Variants in SGCZ observed in about 807,000 individuals in gnomAD.
SGCZ encodes sarcoglycan zeta.
SGCZ carries 40 observed loss-of-function variants against 41.3 expected under a neutral mutation model. The ratio of observed to expected loss-of-function variants is 0.97; its 90% CI spans 0.75 to 1.26. SGCZ has a LOEUF of 1.26. Ranked by LOEUF, SGCZ falls within the 50% of genes most tolerant of loss-of-function variation. The pLI, the probability that SGCZ is intolerant of heterozygous loss-of-function variation, is 0.00. For missense variants in SGCZ, 552 were observed against 369.8 expected (o/e 1.49, Z -4.04); for synonymous variants, 206 against 137.5 (o/e 1.50, Z -3.49).
In SGCZ at chr8:14,130,291, G is replaced by GAAAA. The variant is rs140894776; in HGVS notation, c.548-22060_548-22057dup. Among the ~76,000 whole-genome samples, 19 of 144,634 alleles carry GAAAA rather than the reference G, an allele frequency of 1.3e-4. No individual in the cohort carries two copies. The East Asian group carries it at 3.2e-3, about 24-fold the overall frequency. 94.9% of individuals were successfully genotyped at this position (144,634 alleles called of 152,430 possible). ...TTGGTAGAAGCTAAACCTCTAAAAT[G>GAAAA]AAAAAAAAAACAAATGATTCAAAAT... On this transcript the variant is annotated intron_variant, in intron 5 of 7. Coordinates refer to ENST00000382080, the MANE Select transcript of SGCZ (RefSeq NM_139167.4).
chr8:14,407,793 G>A (rs149570608), intron 2 of SGCZ, among the ~76,000 whole-genome samples: 3 of 152,086 alleles, frequency 2.0e-5, no homozygotes, highest in Admixed American at 2.0e-4. Context: ...CCTAGGTCAA[G>A]CAGAGACTTT....
chr8:14,333,229 T>A (rs533352956), intron 2 of SGCZ, among the ~76,000 whole-genome samples: 1 of 152,034 alleles, frequency 6.6e-6, no homozygotes, highest in Non-Finnish European at 1.5e-5. Flanking sequence ...AGAGACTTGC[T>A]GTAAAAGAAT....
At chr8:14,984,227 T>C (rs1013630646) in intron 1 of SGCZ, among the ~76,000 whole-genome samples, 3 of 152,154 alleles carry the variant, frequency 2.0e-5, no homozygotes, top group African/African-American at 7.2e-5. Context: ...TTGAAGTAAA[T>C]TCCAGACAGC....
intron 1 of SGCZ, among the ~76,000 whole-genome samples, chr8:14,798,984 A>T (rs1801226414): frequency 6.6e-6 from 1 of 151,984 alleles, no homozygotes; most frequent in African/African-American, 2.4e-5. Context: ...TAAGATTACC[A>T]TAATACAGTA....
At chr8:15,152,716 G>C (rs1386834790) in intron 1 of SGCZ, among the ~76,000 whole-genome samples, 3 of 152,176 alleles carry the variant, frequency 2.0e-5, no homozygotes, top group African/African-American at 4.8e-5. Context: ...CATTGAAGTT[G>C]CTCCAGAGTA....
intron 2 of SGCZ, among the ~76,000 whole-genome samples, chr8:14,517,029 A>G (rs908268094): frequency 6.6e-6 from 1 of 152,002 alleles, no homozygotes; most frequent in African/African-American, 2.4e-5. Flanking sequence ...TGTAGTGCAC[A>G]GTGATTCTCC....
At chr8:14,612,615 T>C (rs1805965049) in intron 1 of SGCZ, among the ~76,000 whole-genome samples, 1 of 152,188 alleles carries the variant, frequency 6.6e-6, no homozygotes. Flanking sequence ...AATTCAGATA[T>C]TTTTATGAGG....
intron 4 of SGCZ, among the ~76,000 whole-genome samples, chr8:14,192,562 CAA>C (rs1481460307): frequency 2.6e-5 from 4 of 151,930 alleles, no homozygotes; most frequent in Admixed American, 2.0e-4. Flanking sequence ...AGTTTTTATT[CAA>C]GAGTTCTATC....
Position 14,563,842 on chromosome 8 carries a change from C to A in SGCZ, c.40-8916G>T, listed in dbSNP as rs74960134. On this transcript the variant is annotated intron_variant, in intron 1 of 7. Coordinates refer to ENST00000382080, the MANE Select transcript of SGCZ (RefSeq NM_139167.4). Reference sequence around the variant, plus strand: ...AGTAGTCAAAAGATAAAGTCAAAAACAGAATGCAATTGTATATTGAAAAAT... The same window carrying A: ...AGTAGTCAAAAGATAAAGTCAAAAAAAGAATGCAATTGTATATTGAAAAAT... 4.3e-4 allele frequency among the ~76,000 whole-genome samples: 65 copies of A among 152,172 alleles called. No individual in the cohort carries two copies. The East Asian group carries it at 0.012, about 28-fold the overall frequency.
intron 2 of SGCZ, among the ~76,000 whole-genome samples, chr8:14,375,116 A>C (rs1804066591): frequency 2.0e-5 from 2 of 100,178 alleles, no homozygotes; most frequent in South Asian, 2.7e-4. Flanking sequence ...ATAGATAGAC[A>C]GACAGACAGA....
At chr8:15,033,990 G>A (rs114920395) in intron 1 of SGCZ, among the ~76,000 whole-genome samples, 1 of 152,142 alleles carries the variant, frequency 6.6e-6, no homozygotes, top group Admixed American at 6.5e-5. Context: ...AATCTTTAAA[G>A]ACTAAAATAA....
intron 4 of SGCZ, among the ~76,000 whole-genome samples, chr8:14,204,812 AG>A (rs1334777649): frequency 6.6e-6 from 1 of 152,164 alleles, no homozygotes; most frequent in Non-Finnish European, 1.5e-5. Flanking sequence ...GACCTACACC[AG>A]TTCACGCTAT....
At chr8:14,922,125 A>C (rs979232019) in intron 1 of SGCZ, among the ~76,000 whole-genome samples, 1 of 152,022 alleles carries the variant, frequency 6.6e-6, no homozygotes, top group African/African-American at 2.4e-5. Context: ...AATATCCCTT[A>C]GTCAGCTTCA....
Position 15,224,234 on chromosome 8 carries a change from T to A in SGCZ, c.39+13351A>T, listed in dbSNP as rs192117014. 3.3e-5 allele frequency among the ~76,000 whole-genome samples: 5 copies of A among 152,308 alleles called. No individual in the cohort carries two copies. In the East Asian group the frequency reaches 9.6e-4, roughly 29 times the overall value. On this transcript the variant is annotated intron_variant, in intron 1 of 7. Transcript: ENST00000382080. ...AACAGAGTATATTTTTCTTCTTTCATAAAGATTCAGGAAAGTCATAAAATA... is the reference window on the plus strand; with the variant it reads ...AACAGAGTATATTTTTCTTCTTTCAAAAAGATTCAGGAAAGTCATAAAATA...
intron 1 of SGCZ, among the ~76,000 whole-genome samples, chr8:15,081,546 G>T (rs979934337): frequency 2.7e-5 from 4 of 149,084 alleles, no homozygotes; most frequent in African/African-American, 1.0e-4. Flanking sequence ...ATAAAGAGGT[G>T]AAAAAGAAGG....
At chr8:14,136,576 G>A (rs574274845) in intron 5 of SGCZ, among the ~76,000 whole-genome samples, 8 of 152,290 alleles carry the variant, frequency 5.3e-5, no homozygotes, top group East Asian at 3.9e-4. Flanking sequence ...ATCAAACTGC[G>A]AGGTGGCAGC....
intron 4 of SGCZ, among the ~76,000 whole-genome samples, chr8:14,182,706 C>G: frequency 6.6e-6 from 1 of 151,982 alleles, no homozygotes; most frequent in African/African-American, 2.4e-5. Context: ...TTATAATAAG[C>G]AATAAAACTG....
intron 2 of SGCZ, among the ~76,000 whole-genome samples, chr8:14,362,128 G>A (rs1000137773): frequency 4.6e-5 from 7 of 152,140 alleles, no homozygotes; most frequent in Admixed American, 4.6e-4. Flanking sequence ...TCCCAGTCAG[G>A]CTACACGTGG....
At chr8:14,879,595 GACACACAC>G (rs33933535) in intron 1 of SGCZ, among the ~76,000 whole-genome samples, 19 of 147,114 alleles carry the variant, frequency 1.3e-4, no homozygotes, top group African/African-American at 3.2e-4. Context: ...CAGACACACA[GACACACAC>G]ACACACACAC....
Sources: gnomAD v4.1 joint callset for allele counts (sites outside exome capture counted in the v4.1 genomes callset) on GRCh38, gnomAD v4.1.1 for gene constraint, MANE v1.5 for transcripts, NCBI Gene and HGNC (gene_info 2026-07-23, HGNC 2026-07-21) for gene names.